Variants in ACYP2 observed in about 807,000 individuals in gnomAD.
ACYP2 encodes acylphosphatase 2.
Under a neutral mutation model 11.2 loss-of-function variants are expected in ACYP2, and 12 were observed. The observed-to-expected ratio is 1.08, with a 90% CI of 0.69 to 1.74. The LOEUF is 1.74. Among genes scored for constraint, ACYP2 ranks in the 40% most tolerant of loss-of-function variants. ACYP2 has a pLI of 0.00. For missense variants in ACYP2, 134 were observed against 101.9 expected (o/e 1.31, Z -1.35); for synonymous variants, 43 against 32.2 (o/e 1.33, Z -1.13).
At chr2:54,010,853 G>C (rs1216264971) in intron 2 of ACYP2, among the ~76,000 whole-genome samples, 3 of 144,242 alleles carry the variant, frequency 2.1e-5, no homozygotes, top group Non-Finnish European at 1.5e-5. Flanking sequence ...ATTTTCAGTA[G>C]AGACCAGGTT....
intron 2 of ACYP2, among the ~76,000 whole-genome samples, chr2:53,978,331 C>T (rs1373748532): frequency 6.6e-6 from 1 of 151,560 alleles, no homozygotes; most frequent in Non-Finnish European, 1.5e-5. Context: ...AATGGAGTGA[C>T]TGTGGATGAT....
rs139543139 is a variant in ACYP2 at position 54,104,009 on chromosome 2, C to G, written c.278-31444C>G. 2.0e-5 allele frequency among the ~76,000 whole-genome samples: 3 copies of G among 152,316 alleles called. No homozygotes were observed. In the East Asian group the frequency reaches 5.8e-4, roughly 29 times the overall value. On this transcript the variant is annotated intron_variant, in intron 4 of 6. Coordinates refer to ENST00000607452, the MANE Select transcript of ACYP2 (RefSeq NM_001320586.2). The stretch of plus-strand genomic sequence containing the variant: ...GTGCTGCAAGGCTAAGCTAAACAGA[C>G]CAAAGCCAGCCCCAGGTTGAACAAG...
intron 6 of ACYP2, among the ~76,000 whole-genome samples, chr2:54,235,030 C>G (rs1434159444): frequency 5.3e-5 from 8 of 152,198 alleles, no homozygotes; most frequent in Admixed American, 5.2e-4. Context: ...CCCCTGAAAT[C>G]TATGCATAGG....
At chr2:54,061,007 A>T (rs1390262053) in intron 4 of ACYP2, among the ~76,000 whole-genome samples, 2 of 152,036 alleles carry the variant, frequency 1.3e-5, no homozygotes, top group Non-Finnish European at 2.9e-5. Context: ...TATCTGCCAT[A>T]TATATTTTAA....
intron 6 of ACYP2, among the ~76,000 whole-genome samples, chr2:54,219,158 AAAGAT>A (rs1234209181): frequency 1.3e-5 from 2 of 152,210 alleles, no homozygotes; most frequent in Non-Finnish European, 2.9e-5. Context: ...AAGTGCTATC[AAAGAT>A]TAGAGGTAGA....
intron 2 of ACYP2, among the ~76,000 whole-genome samples, chr2:54,038,692 T>TAC (rs1401002608): frequency 7.1e-5 from 3 of 41,976 alleles, no homozygotes; most frequent in Non-Finnish European, 1.6e-4. Flanking sequence ...TATATATATA[T>TAC]ATATATATAT....
chr2:54,218,001 C>T (rs1028452694), intron 6 of ACYP2, among the ~76,000 whole-genome samples: 2 of 152,098 alleles, frequency 1.3e-5, no homozygotes, highest in Non-Finnish European at 2.9e-5. Context: ...ACCTTGTTAC[C>T]ACTTTTTGAG....
At chr2:54,010,953 A>G (rs965311120) in intron 2 of ACYP2, among the ~76,000 whole-genome samples, 1 of 151,646 alleles carries the variant, frequency 6.6e-6, no homozygotes, top group Admixed American at 6.6e-5. Context: ...ACAGACCTGA[A>G]CTACCACACG....
chr2:54,056,356 T>C (rs4671178), intron 3 of ACYP2, among the ~76,000 whole-genome samples: 57,574 of 152,090 alleles, frequency 0.38, 11,646 homozygotes, highest in East Asian at 0.71. Flanking sequence ...TAAAATCATA[T>C]GTTCTTTCCA....
chr2:53,990,819 C>G (rs1165680138), intron 2 of ACYP2, among the ~76,000 whole-genome samples: 1 of 151,212 alleles, frequency 6.6e-6, no homozygotes, highest in Non-Finnish European at 1.5e-5. Flanking sequence ...TTTTTTAAGG[C>G]AGAGTCTCGC....
rs1308775723 is a variant in ACYP2 at position 54,005,289 on chromosome 2, G to A, written c.62+31479G>A. 2.0e-5 allele frequency among the ~76,000 whole-genome samples: 3 copies of A among 151,202 alleles called. No individual in the cohort carries two copies. The East Asian group carries it at 5.8e-4, about 29-fold the overall frequency. On this transcript the variant is annotated intron_variant, in intron 2 of 6. Coordinates refer to ENST00000607452, the MANE Select transcript of ACYP2 (RefSeq NM_001320586.2). The stretch of plus-strand genomic sequence containing the variant: ...TTGAAAAGACTATATTTTCTCCATT[G>A]TGTTGTCTTTGTTGCTTTGCCAAAG...
chr2:54,161,878 CTT>C (rs966701838), intron 6 of ACYP2, among the ~76,000 whole-genome samples: 13 of 151,854 alleles, frequency 8.6e-5, no homozygotes, highest in Admixed American at 3.9e-4. Context: ...AGATGGAGCT[CTT>C]TGGTTTTTAT....
intron 6 of ACYP2, among the ~76,000 whole-genome samples, chr2:54,169,050 G>T (rs1425631610): frequency 6.6e-6 from 1 of 152,136 alleles, no homozygotes; most frequent in East Asian, 1.9e-4. Flanking sequence ...TGTTACAGAA[G>T]AATTTTTCTA....
intron 6 of ACYP2, among the ~76,000 whole-genome samples, chr2:54,279,745 T>C (rs572998620): frequency 2.6e-5 from 4 of 152,240 alleles, no homozygotes; most frequent in Admixed American, 2.0e-4. Flanking sequence ...ATGAAAACTC[T>C]CCTGTATTCA....
chr2:54,035,334 C>T (rs550775957), intron 2 of ACYP2, among the ~76,000 whole-genome samples: 17 of 146,906 alleles, frequency 1.2e-4, no homozygotes, highest in African/African-American at 3.5e-4. Context: ...GGTGCGATCT[C>T]GGCGCACTGC....
At chr2:54,112,165 CCTTT>C (rs1237956361) in intron 4 of ACYP2, among the ~76,000 whole-genome samples, 2 of 152,062 alleles carry the variant, frequency 1.3e-5, no homozygotes, top group African/African-American at 4.8e-5. Flanking sequence ...CAGGATTTTC[CCTTT>C]CTATGTATTA....
chr2:54,258,847 C>G (rs535051905), intron 6 of ACYP2, among the ~76,000 whole-genome samples: 1 of 152,288 alleles, frequency 6.6e-6, no homozygotes, highest in East Asian at 1.9e-4. Flanking sequence ...ATTTAACTCA[C>G]AATTCTGGAT....
chr2:54,192,460 A>G (rs1311399748), intron 6 of ACYP2, among the ~76,000 whole-genome samples: 1 of 152,184 alleles, frequency 6.6e-6, no homozygotes, highest in East Asian at 1.9e-4. Flanking sequence ...CTAGTCTGTG[A>G]AATCCGAAAG....
chr2:54,072,662 A>C (rs1405217115), intron 4 of ACYP2, among the ~76,000 whole-genome samples: 3 of 150,380 alleles, frequency 2.0e-5, no homozygotes, highest in African/African-American at 7.4e-5. Flanking sequence ...CCCTGGGCTT[A>C]AGCAATTCTT....
Sources: allele counts gnomAD v4.1 joint callset (sites outside exome capture counted in the v4.1 genomes callset), GRCh38; gene constraint gnomAD v4.1.1; transcripts MANE v1.5; gene names NCBI Gene and HGNC (gene_info 2026-07-23, HGNC 2026-07-21).